CSNK2A2IP: variants seen among roughly 807,000 people sequenced by gnomAD.
The protein encoded by CSNK2A2IP is casein kinase 2 subunit alpha' interacting protein.
the CSNK2A2IP span, among the ~76,000 whole-genome samples, chr3:88,380,212 A>T: frequency 2.0e-5 from 3 of 152,068 alleles, no homozygotes; most frequent in Non-Finnish European, 4.4e-5. Flanking sequence ...AAAAAAAGCA[A>T]AAATAATTTT....
the CSNK2A2IP span, among the ~76,000 whole-genome samples, chr3:88,343,972 A>G: frequency 6.6e-6 from 1 of 151,990 alleles, no homozygotes; most frequent in African/African-American, 2.4e-5. Flanking sequence ...ATAGGATGGC[A>G]CATAATGAGA....
the CSNK2A2IP span, among the ~76,000 whole-genome samples, chr3:88,412,051 A>T: frequency 2.0e-5 from 3 of 151,930 alleles, no homozygotes; most frequent in African/African-American, 7.3e-5. Context: ...TATGCCCTAC[A>T]TATAAAAATA....
the CSNK2A2IP span, among the ~76,000 whole-genome samples, chr3:88,378,500 G>A: frequency 6.6e-6 from 1 of 151,664 alleles, no homozygotes; most frequent in Non-Finnish European, 1.5e-5. Flanking sequence ...GGCCACATGT[G>A]GTTATTGAGC....
At chr3:88,434,138 G>A in the CSNK2A2IP span, among the ~76,000 whole-genome samples, 1 of 152,080 alleles carries the variant, frequency 6.6e-6, no homozygotes, top group Non-Finnish European at 1.5e-5. Context: ...AGATTGGGTA[G>A]TAAGGATCCT....
the CSNK2A2IP span, among the ~76,000 whole-genome samples, chr3:88,348,068 G>T: frequency 6.6e-6 from 1 of 151,842 alleles, no homozygotes; most frequent in Non-Finnish European, 1.5e-5. Context: ...GTTTTATATG[G>T]GGACAGTACT....
At chr3:88,344,654 C>T in the CSNK2A2IP span, among the ~76,000 whole-genome samples, 1 of 151,914 alleles carries the variant, frequency 6.6e-6, no homozygotes, top group Non-Finnish European at 1.5e-5. Context: ...TTTAAATTTG[C>T]TGTCTCCCAT....
At chr3:88,458,140 G>GTTT in the CSNK2A2IP span, among the ~76,000 whole-genome samples, 6 of 104,304 alleles carry the variant, frequency 5.8e-5, no homozygotes, top group African/African-American at 2.2e-4. Context: ...TTGTAATTGT[G>GTTT]GTTTTTTTTT....
chr3:88,411,350 C>CATCTATCTATCT, the CSNK2A2IP span, among the ~76,000 whole-genome samples: 30 of 146,658 alleles, frequency 2.0e-4, no homozygotes, highest in African/African-American at 6.9e-4. Context: ...CTCTATCTAT[C>CATCTATCTATCT]ATCTATCTAT....
chr3:88,378,390 T>C, the CSNK2A2IP span, among the ~76,000 whole-genome samples: 3 of 151,872 alleles, frequency 2.0e-5, no homozygotes, highest in South Asian at 4.1e-4. Flanking sequence ...AACTCAGTTG[T>C]ATATTGCTGT....
At chr3:88,376,570 T>C in the CSNK2A2IP span, among the ~76,000 whole-genome samples, 3 of 151,884 alleles carry the variant, frequency 2.0e-5, no homozygotes, top group Non-Finnish European at 4.4e-5. Flanking sequence ...TATAGCTCTT[T>C]GAATTATATT....
At chr3:88,435,885 TATATA>T in the CSNK2A2IP span, among the ~76,000 whole-genome samples, 2 of 44,940 alleles carry the variant, frequency 4.5e-5, no homozygotes, top group South Asian at 6.6e-4. Context: ...GTGCATTATA[TATATA>T]ATGCACATTA....
At chr3:88,340,822 T>C in the CSNK2A2IP span, among the ~76,000 whole-genome samples, 13 of 151,962 alleles carry the variant, frequency 8.6e-5, no homozygotes, top group Non-Finnish European at 1.5e-5. Context: ...TAGTGTTCAA[T>C]GGTACATGAT....
At chr3:88,414,886 T>C in the CSNK2A2IP span, among the ~76,000 whole-genome samples, 1 of 151,932 alleles carries the variant, frequency 6.6e-6, no homozygotes, top group Non-Finnish European at 1.5e-5. Flanking sequence ...GTGGATTAGG[T>C]AAATAAATTA....
At chr3:88,346,662 A>G in the CSNK2A2IP span, among the ~76,000 whole-genome samples, 1 of 152,028 alleles carries the variant, frequency 6.6e-6, no homozygotes, top group Non-Finnish European at 1.5e-5. Context: ...CTCAGAAAAA[A>G]AATTTCTATA....
chr3:88,455,392 G>C, the CSNK2A2IP span, among the ~76,000 whole-genome samples: 1 of 151,840 alleles, frequency 6.6e-6, no homozygotes, highest in Non-Finnish European at 1.5e-5. Context: ...TTTGATAAAA[G>C]CCATTCTAAC....
At chr3:88,431,983 C>T in the CSNK2A2IP span, among the ~76,000 whole-genome samples, 4 of 151,800 alleles carry the variant, frequency 2.6e-5, no homozygotes, top group African/African-American at 9.7e-5. Flanking sequence ...TTGTTTTTTC[C>T]TGTAAAATAT....
At chr3:88,450,267 C>A in the CSNK2A2IP span, among the ~76,000 whole-genome samples, 4 of 152,152 alleles carry the variant, frequency 2.6e-5, no homozygotes, top group African/African-American at 9.6e-5. Context: ...CTATAGTGAG[C>A]AAATTAACAT....
chr3:88,403,001 T>C, the CSNK2A2IP span, among the ~76,000 whole-genome samples: 1 of 152,122 alleles, frequency 6.6e-6, no homozygotes, highest in Admixed American at 6.5e-5. Flanking sequence ...GGGCCATCTT[T>C]AATTATTTAA....
chr3:88,391,545 T>C, the CSNK2A2IP span, among the ~76,000 whole-genome samples: 1 of 152,202 alleles, frequency 6.6e-6, no homozygotes, highest in East Asian at 1.9e-4. Flanking sequence ...AGTTATTTTG[T>C]TTCATCCTTT....
Sources: allele counts gnomAD v4.1 joint callset (sites outside exome capture counted in the v4.1 genomes callset), GRCh38; gene constraint gnomAD v4.1.1; transcripts MANE v1.5; gene names NCBI Gene and HGNC (gene_info 2026-07-23, HGNC 2026-07-21).